The following SLC15A2 variants were observed in gnomAD, a reference collection of about 807,000 sequenced individuals.
SLC15A2 encodes kidney H(+)/peptide cotransporter.
In SLC15A2, 77 loss-of-function variants were observed where a neutral mutation model predicts 95.5. The observed-to-expected ratio is 0.81, with a 90% CI of 0.67 to 0.97. The LOEUF (loss-of-function observed/expected upper bound fraction) is 0.97. Among genes scored for constraint, SLC15A2 ranks in the 50% least tolerant of loss-of-function variants. The probability of loss-of-function intolerance (pLI) is 0.00; values close to 1 mark genes in which losing one functional copy is unlikely to be tolerated. For synonymous variants in SLC15A2, 306 were observed against 306.9 expected (o/e 1.00, Z 0.03); for missense variants, 893 against 874.4 (o/e 1.02, Z -0.27).
chr3:121,930,430 ATATCT>A (rs1238867936), intron 17 of SLC15A2, among the ~76,000 whole-genome samples: 1 of 152,234 alleles, frequency 6.6e-6, no homozygotes, highest in African/African-American at 2.4e-5. Flanking sequence ...AAATACTATC[ATATCT>A]TTATATATGC....
At chr3:121,905,895 T>G (rs9714033) in intron 3 of SLC15A2, among the ~76,000 whole-genome samples, 67,476 of 151,446 alleles carry the variant, frequency 0.45, 15,474 homozygotes, top group East Asian at 0.69. Flanking sequence ...TCATGTCCTG[T>G]ATATCCTTGT....
At chr3:121,934,310 G>A (rs957782289) in intron 19 of SLC15A2, among the ~76,000 whole-genome samples, 3 of 152,162 alleles carry the variant, frequency 2.0e-5, no homozygotes, top group Non-Finnish European at 4.4e-5. Flanking sequence ...AAAGTCATTG[G>A]TAGCTTGATG....
chr3:121,940,212 T>G (rs1024761063), intron 20 of SLC15A2, among the ~76,000 whole-genome samples, 172 bp from the exon 21 acceptor site: 2 of 152,228 alleles, frequency 1.3e-5, no homozygotes, highest in Non-Finnish European at 2.9e-5. Flanking sequence ...AGTTAGGAGC[T>G]TCATCTTATT....
chr3:121,934,718 AT>A lies in SLC15A2; in HGVS notation c.1761+2986del, dbSNP rs924632230. Among the ~76,000 whole-genome samples, 669 of 152,316 alleles carry A rather than the reference AT, an allele frequency of 4.4e-3. 3 individuals are homozygous for A. The highest frequency in any genetic ancestry group is 9.5e-3 in the African/African-American group (396 of 41,558). On this transcript the variant is annotated intron_variant, in intron 19 of 21. Transcript: ENST00000489711. ...ATCATGTCGTCTGCAAATAGGGACA[AT>A]TTGACTTCCTCTTTTCCTAATTGAA...
chr3:121,899,692 G>C (rs1366418410), intron 3 of SLC15A2, among the ~76,000 whole-genome samples: 2 of 152,048 alleles, frequency 1.3e-5, no homozygotes, highest in Non-Finnish European at 2.9e-5. Context: ...AGCACCTTCT[G>C]TTTGTCCAAG....
chr3:121,913,329 G>T (rs956995248), intron 5 of SLC15A2, among the ~76,000 whole-genome samples: 3 of 152,124 alleles, frequency 2.0e-5, no homozygotes, highest in Admixed American at 6.5e-5. Flanking sequence ...TGAACTAAAA[G>T]GTATGTCTTA....
chr3:121,908,522 T>C (rs1429953936), intron 3 of SLC15A2, among the ~76,000 whole-genome samples: 2 of 152,164 alleles, frequency 1.3e-5, no homozygotes, highest in African/African-American at 4.8e-5. Flanking sequence ...GGAGTTATTA[T>C]GCTTTTGAAT....
chr3:121,913,275 G>A lies in SLC15A2; in HGVS notation c.528+155G>A, dbSNP rs544419177. ...GCTGGATACTGGCCATTAATAGTGAGGAAAACTGAAACAGTTTCAAAGGAA... is the reference window on the plus strand; with the variant it reads ...GCTGGATACTGGCCATTAATAGTGAAGAAAACTGAAACAGTTTCAAAGGAA... On this transcript the variant is annotated intron_variant, in intron 5 of 21. Coordinates refer to ENST00000489711, the MANE Select transcript of SLC15A2 (RefSeq NM_021082.4). 3.0e-4 allele frequency among the ~76,000 whole-genome samples: 46 copies of A among 152,272 alleles called. 1 individual carries two copies. The South Asian group carries it at 9.1e-3, about 30-fold the overall frequency.
At chr3:121,920,239 A>C (rs1709977493) in intron 7 of SLC15A2, among the ~76,000 whole-genome samples, 1 of 152,040 alleles carries the variant, frequency 6.6e-6, no homozygotes, top group Non-Finnish European at 1.5e-5. Flanking sequence ...TAGTTTCAGG[A>C]GCAGTTTATT....
chr3:121,906,573 G>T (rs1366861327), intron 3 of SLC15A2, among the ~76,000 whole-genome samples: 1 of 152,138 alleles, frequency 6.6e-6, no homozygotes, highest in African/African-American at 2.4e-5. Flanking sequence ...AAATCTCTTA[G>T]CATTTGCTTG....
chr3:121,941,036 A>G lies in SLC15A2; in HGVS notation c.*29A>G. ...CTCCCTAGATTCTGTCCTGACCCCA[A>G]TTCCTGGCCCTGTCTTGAAGCATTT... On this transcript the variant is annotated 3_prime_UTR_variant, in exon 22 of 22. Transcript: ENST00000489711. 1.9e-6 allele frequency: 3 copies of G among 1,596,236 alleles called. No individual in the cohort carries two copies. Among genetic ancestry groups the G allele is most frequent in the South Asian group, 1.1e-5 (1 of 87,786 alleles).
chr3:121,925,133 GT>G (rs1320180249), intron 13 of SLC15A2, 100 bp downstream of exon 13: 5 of 844,616 alleles, frequency 5.9e-6, no homozygotes, highest in African/African-American at 3.4e-5. Flanking sequence ...GTGAGGATTG[GT>G]TTTAGTTTAT....
chr3:121,917,041 C>T (rs1371990173), intron 7 of SLC15A2, among the ~76,000 whole-genome samples: 2 of 152,126 alleles, frequency 1.3e-5, no homozygotes, highest in African/African-American at 4.8e-5. Flanking sequence ...AGGATGGTCT[C>T]GATCTCCTGA....
At chr3:121,921,661 T>C (rs1283713221) in intron 7 of SLC15A2, among the ~76,000 whole-genome samples, 2 of 151,708 alleles carry the variant, frequency 1.3e-5, no homozygotes, top group Non-Finnish European at 2.9e-5. Flanking sequence ...TAAGTATTAA[T>C]AGATCCTGGA....
At chr3:121,912,637 T>C (rs1256892874) in intron 4 of SLC15A2, among the ~76,000 whole-genome samples, 2 of 152,148 alleles carry the variant, frequency 1.3e-5, no homozygotes, top group Non-Finnish European at 2.9e-5. Flanking sequence ...TAAATTTTGG[T>C]AAGAATATGT....
At chr3:121,921,092 G>A (rs1709996367) in intron 7 of SLC15A2, among the ~76,000 whole-genome samples, 1 of 152,182 alleles carries the variant, frequency 6.6e-6, no homozygotes, top group Non-Finnish European at 1.5e-5. Flanking sequence ...CTTACAATTA[G>A]CTGTGGATAT....
chr3:121,937,715 C>T (rs1355555332), intron 19 of SLC15A2, among the ~76,000 whole-genome samples: 1 of 152,112 alleles, frequency 6.6e-6, no homozygotes, highest in Non-Finnish European at 1.5e-5. Context: ...TTTGAATGTC[C>T]TCTCATAGCT....
At chr3:121,914,857 C>CA (rs59852441) in intron 5 of SLC15A2, 4,569 of 158,498 alleles carry the variant, frequency 0.029, 9 homozygotes, top group South Asian at 0.046. Flanking sequence ...GACTCCATCT[C>CA]AAAAAAAAAA....
intron 1 of SLC15A2, among the ~76,000 whole-genome samples, chr3:121,895,846 G>A (rs879675455): frequency 6.6e-5 from 10 of 152,210 alleles, no homozygotes; most frequent in Non-Finnish European, 8.8e-5. Context: ...AAGTCAAGGT[G>A]ATCAATTAGC....
Sources: allele counts gnomAD v4.1 joint callset (sites outside exome capture counted in the v4.1 genomes callset), GRCh38; gene constraint gnomAD v4.1.1; transcripts MANE v1.5; gene names NCBI Gene and HGNC (gene_info 2026-07-23, HGNC 2026-07-21).